Variants in ZNF793 observed in about 807,000 individuals in gnomAD.
ZNF793 encodes the protein zinc finger protein 793.
A neutral mutation model predicts 12.4 loss-of-function variants in ZNF793; 5 were observed. The ratio of observed to expected loss-of-function variants is 0.40; its 90% CI spans 0.21 to 0.84. The LOEUF (loss-of-function observed/expected upper bound fraction) is 0.84, where lower values mean the gene tolerates loss of function less well. ZNF793 is among the 40% of genes least tolerant of loss of function. ZNF793 has a pLI of 0.35. For synonymous variants in ZNF793, 162 were observed against 172.4 expected (o/e 0.94, Z 0.47); for missense variants, 456 against 495.0 (o/e 0.92, Z 0.75).
At chr19:37,535,522 A>C (rs982182389) in intron 7 of ZNF793, 3 of 151,540 alleles carry the variant, frequency 2.0e-5, no homozygotes, top group Non-Finnish European at 4.4e-5. Context: ...AATAGTTATC[A>C]AAAAAAAATT....
intron 2 of ZNF793, among the ~76,000 whole-genome samples, chr19:37,508,977 C>T (rs528971035): frequency 5.8e-4 from 88 of 152,232 alleles, no homozygotes; most frequent in African/African-American, 1.9e-3. Context: ...AAGCCACAAC[C>T]GCCACAAAAC....
rs1172988039 is a variant in ZNF793, at chr19:37,541,206, A to G, written c.*3327A>G. 2 of 152,152 alleles carry G rather than the reference A, an allele frequency of 1.3e-5. No individual in the cohort carries two copies. The highest frequency in any genetic ancestry group is 2.4e-5 in the African/African-American group (1 of 41,452). The allele number at this position is 152,152 out of a possible 1,614,324, so 9.4% of individuals were successfully genotyped here. On this transcript the variant is annotated 3_prime_UTR_variant, in exon 8 of 8. Transcript: ENST00000627814. ...AAAGAATTCTGGAACAGAACCTTTT[A>G]ATCTTAAAGGAAGAAAATTTGGATT...
rs1219499981 is a variant in ZNF793 at position 37,539,091 on chromosome 19, A to T, written c.*1212A>T. 6.6e-6 allele frequency: 1 copy of T among 152,200 alleles called. No individual in the cohort carries two copies. Among genetic ancestry groups the T allele is most frequent in the Non-Finnish European group, 1.5e-5 (1 of 68,024 alleles). The allele number at this position is 152,200 out of a possible 1,614,324, so 9.4% of individuals were successfully genotyped here. On this transcript the variant is annotated 3_prime_UTR_variant, in exon 8 of 8. Transcript: ENST00000627814. ...GCAGAAATAATAAAGCAGTGTTTTT[A>T]AATGTATTTGGATAATTTGGCCAAA...
chr19:37,524,263 A>G (rs2147083794), intron 5 of ZNF793, among the ~76,000 whole-genome samples: 1 of 152,080 alleles, frequency 6.6e-6, no homozygotes, highest in South Asian at 2.1e-4. Context: ...TACTTAACAC[A>G]TACTGCTGTA....
intron 1 of ZNF793, among the ~76,000 whole-genome samples, chr19:37,507,623 G>A (rs2042260999): frequency 6.6e-6 from 1 of 152,182 alleles, no homozygotes; most frequent in South Asian, 2.1e-4. Flanking sequence ...GGAGAATAGA[G>A]TCAAGTGTGC....
At chr19:37,507,690 G>T (rs2042261432) in intron 1 of ZNF793, among the ~76,000 whole-genome samples, 1 of 152,136 alleles carries the variant, frequency 6.6e-6, no homozygotes, top group Non-Finnish European at 1.5e-5. Context: ...ACTTGTGGGT[G>T]GGAGTGGGAC....
rs878910993 is a variant in ZNF793 at position 37,537,503 on chromosome 19, C to G, written c.845C>G (p.Pro282Arg). 1 of 1,614,072 alleles carries G rather than the reference C, an allele frequency of 6.2e-7. No individual in the cohort carries two copies. The highest frequency in any genetic ancestry group is 8.5e-7 in the Non-Finnish European group (1 of 1,179,986). ...KHQRIHTGVR[P>R]FECFFCGKAF... Reference sequence around the variant, plus strand: ...CAGAGAATTCACACTGGGGTAAGACCCTTTGAATGTTTTTTTTGTGGGAAA... The same window carrying G: ...CAGAGAATTCACACTGGGGTAAGACGCTTTGAATGTTTTTTTTGTGGGAAA... Residue 282 changes from proline to arginine, a missense_variant, in exon 8 of 8, where the codon CCC becomes CGC. Coordinates refer to ENST00000627814, the MANE Select transcript of ZNF793 (RefSeq NM_001013659.3).
At chr19:37,509,268 CTAT>C (rs1054856331) in intron 2 of ZNF793, among the ~76,000 whole-genome samples, 1 of 152,112 alleles carries the variant, frequency 6.6e-6, no homozygotes, top group African/African-American at 2.4e-5. Context: ...TCATCTGTGT[CTAT>C]TATTCTGCTT....
Position 37,537,972 on chromosome 19 carries a change from C to T in ZNF793, c.*93C>T, listed in dbSNP as rs144727279. ...TGTCACCCAGGCTGGAGTGCAGTGG[C>T]GCGATCTCGGCTTACTGCAAGCTCT... On this transcript the variant is annotated 3_prime_UTR_variant, in exon 8 of 8. Coordinates refer to ENST00000627814, the MANE Select transcript of ZNF793 (RefSeq NM_001013659.3). The T allele has an allele frequency of 0.031, 43,299 of 1,382,082 alleles. 851 individuals are homozygous for T. The highest frequency in any genetic ancestry group is 0.055 in the Middle Eastern group (232 of 4,198). 85.6% of individuals were successfully genotyped at this position (1,382,082 alleles called of 1,614,324 possible).
At position 37,533,417 on chromosome 19, in the gene ZNF793, A is replaced by C. The variant is rs746483726; in HGVS notation, c.238+14A>C. ...GCCACTGTTGGGGTAAGTGTGATAA[A>C]TCTAGCAAAAGGGGTACTGAAGGAG... On this transcript the variant is annotated intron_variant, in intron 7 of 7. Transcript: ENST00000627814. The C allele has an allele frequency of 2.5e-6, 4 of 1,611,686 alleles. No homozygotes were observed. The South Asian group carries it at 4.4e-5, about 18-fold the overall frequency.
At chr19:37,510,568 T>C (rs1022425114) in intron 2 of ZNF793, among the ~76,000 whole-genome samples, 2 of 150,920 alleles carry the variant, frequency 1.3e-5, no homozygotes, top group Admixed American at 1.3e-4. Context: ...CTTGTGATCC[T>C]AGCTACTGGA....
intron 2 of ZNF793, among the ~76,000 whole-genome samples, chr19:37,515,329 A>T (rs1296586174): frequency 6.7e-6 from 1 of 149,888 alleles, no homozygotes; most frequent in Non-Finnish European, 1.5e-5. Context: ...TTTTTTTGAG[A>T]TGGAGTCTCA....
At chr19:37,520,081 G>C (rs1004679230) in intron 2 of ZNF793, 103 bp from the exon 3 acceptor site, 2 of 152,400 alleles carry the variant, frequency 1.3e-5, no homozygotes, top group African/African-American at 4.8e-5. Context: ...CCATCACTCA[G>C]CTGTCTCCTG....
chr19:37,519,185 G>A (rs1353945218), intron 2 of ZNF793, among the ~76,000 whole-genome samples: 2 of 152,224 alleles, frequency 1.3e-5, no homozygotes, highest in Admixed American at 1.3e-4. Context: ...AGAATGGCGT[G>A]AACCCAGGAG....
At chr19:37,527,196 G>C (rs187799359) in intron 5 of ZNF793, among the ~76,000 whole-genome samples, 2 of 151,644 alleles carry the variant, frequency 1.3e-5, no homozygotes, top group African/African-American at 4.8e-5. Context: ...TGATCCACCC[G>C]CCTATGTGCT....
In ZNF793 at chr19:37,538,658, T is replaced by C. The variant is rs543368492; in HGVS notation, c.*779T>C. On this transcript the variant is annotated 3_prime_UTR_variant, in exon 8 of 8. Coordinates refer to ENST00000627814, the MANE Select transcript of ZNF793 (RefSeq NM_001013659.3). ...ATGATCTAATTGTGATACAAACTTT[T>C]CTAGAAAATACTTTCTCAAACATAA... 1 of 152,368 alleles carries C rather than the reference T, an allele frequency of 6.6e-6. No individual in the cohort carries two copies. The highest frequency in any genetic ancestry group is 2.1e-4 in the South Asian group (1 of 4,826). The allele number at this position is 152,368 out of a possible 1,614,324, so 9.4% of individuals were successfully genotyped here.
At chr19:37,525,140 C>CTT (rs553421764) in intron 5 of ZNF793, among the ~76,000 whole-genome samples, 1 of 143,872 alleles carries the variant, frequency 7.0e-6, no homozygotes, top group East Asian at 2.0e-4. Context: ...TGTTTTCTCT[C>CTT]TTTTTTTTTT....
rs1182236041 is a variant in ZNF793, at chr19:37,533,431, G to C, written c.238+28G>C. On this transcript the variant is annotated intron_variant, in intron 7 of 7. Transcript: ENST00000627814. ...AAGTGTGATAAATCTAGCAAAAGGG[G>C]TACTGAAGGAGGCTGGCACCTTTGG... The C allele has an allele frequency of 3.1e-6, 5 of 1,596,542 alleles. No homozygotes were observed. The East Asian group carries it at 1.1e-4, about 36-fold the overall frequency.
At chr19:37,513,840 C>T (rs553898088) in intron 2 of ZNF793, among the ~76,000 whole-genome samples, 5 of 152,128 alleles carry the variant, frequency 3.3e-5, no homozygotes, top group Non-Finnish European at 7.4e-5. Context: ...GTGCCTTCAA[C>T]TGAGTTATAC....
Sources: allele counts gnomAD v4.1 joint callset (sites outside exome capture counted in the v4.1 genomes callset), GRCh38; gene constraint gnomAD v4.1.1; transcripts MANE v1.5; gene names NCBI Gene and HGNC (gene_info 2026-07-23, HGNC 2026-07-21).